Variants in SORCS1 observed in about 807,000 individuals in gnomAD.
SORCS1 encodes the protein VPS10 domain-containing receptor SorCS1.
Under a neutral mutation model 146.1 loss-of-function variants are expected in SORCS1, and 60 were observed. That is an observed-to-expected ratio of 0.41 (90% CI 0.33 to 0.51). The LOEUF is 0.51. Ranked by LOEUF, SORCS1 falls within the 20% of genes least tolerant of loss-of-function variation. The pLI is 0.21. For missense variants in SORCS1, 1,352 were observed against 1,487.6 expected (o/e 0.91, Z 1.50); for synonymous variants, 637 against 584.0 (o/e 1.09, Z -1.31).
chr10:106,600,419 C>A (rs1470155424), intron 23 of SORCS1: 4 of 981,848 alleles, frequency 4.1e-6, no homozygotes, highest in Non-Finnish European at 4.8e-6. Flanking sequence ...CATAAGAAAA[C>A]AAAACTAAAT....
At chr10:106,986,511 CGTGTGTGTGTGTGTGTGT>C (rs58888609) in intron 1 of SORCS1, among the ~76,000 whole-genome samples, 3 of 148,422 alleles carry the variant, frequency 2.0e-5, no homozygotes, top group African/African-American at 7.4e-5. Context: ...TATATACAAC[CGTGTGTGTGTGTGTGTGT>C]GTGTGTGTGT....
chr10:106,674,112 C>G (rs568835353), intron 14 of SORCS1, among the ~76,000 whole-genome samples: 47 of 145,810 alleles, frequency 3.2e-4, no homozygotes, highest in African/African-American at 1.2e-3. Context: ...GTCAGGAGAT[C>G]GAGACCATCC....
chr10:106,815,323 GA>G (rs1399944336), intron 3 of SORCS1, among the ~76,000 whole-genome samples: 1 of 152,080 alleles, frequency 6.6e-6, no homozygotes, highest in Non-Finnish European at 1.5e-5. Flanking sequence ...AGAGAGGGAA[GA>G]AAATAAAATA....
the SORCS1 span, among the ~76,000 whole-genome samples, chr10:107,174,978 C>T: frequency 1.5e-4 from 23 of 152,234 alleles, no homozygotes; most frequent in African/African-American, 5.1e-4. Context: ...TTTAACAACA[C>T]GAATAGGTTT....
In SORCS1 at chr10:106,652,496, G is replaced by T. The variant is rs941436279; in HGVS notation, c.2361C>A (p.Ala787=). The part of the protein sequence containing the change: ...CTDGVREQYT[A]KPQKCPGKAP... ...CTTTCCCTGGGCACTTCTGCGGTTTGGCAGTGTACTGTTCCCTTACGCCAT... is the reference window on the plus strand; with the variant it reads ...CTTTCCCTGGGCACTTCTGCGGTTTTGCAGTGTACTGTTCCCTTACGCCAT... Residue 787 remains alanine (A), a synonymous_variant, in exon 18 of 26, where the codon GCC becomes GCA. Transcript: ENST00000263054. 1.7e-5 allele frequency: 27 copies of T among 1,613,982 alleles called. No individual in the cohort carries two copies. Among genetic ancestry groups the T allele is most frequent in the Non-Finnish European group, 2.3e-5 (27 of 1,180,012 alleles).
chr10:107,080,044 T>C (rs1429753667), intron 1 of SORCS1, among the ~76,000 whole-genome samples: 1 of 152,218 alleles, frequency 6.6e-6, no homozygotes, highest in Non-Finnish European at 1.5e-5. Context: ...CACAAATGAA[T>C]ATATTACAAA....
At chr10:106,762,983 C>T (rs1859257885) in intron 4 of SORCS1, among the ~76,000 whole-genome samples, 1 of 152,036 alleles carries the variant, frequency 6.6e-6, no homozygotes, top group Admixed American at 6.6e-5. Flanking sequence ...TCTCTCTCTC[C>T]CCTTTGTCTT....
At chr10:106,950,319 C>T (rs1448470201) in intron 2 of SORCS1, among the ~76,000 whole-genome samples, 3 of 152,222 alleles carry the variant, frequency 2.0e-5, no homozygotes, top group African/African-American at 7.2e-5. Flanking sequence ...TCCAGCAAGG[C>T]TTACAGCCCT....
intron 1 of SORCS1, among the ~76,000 whole-genome samples, chr10:106,984,499 T>C (rs1416560412): frequency 6.6e-6 from 1 of 150,648 alleles, no homozygotes; most frequent in Admixed American, 6.7e-5. Context: ...GTTCACACCA[T>C]TCTCCTGCCT....
chr10:106,900,297 G>A (rs1951652400), intron 2 of SORCS1, among the ~76,000 whole-genome samples: 2 of 152,020 alleles, frequency 1.3e-5, no homozygotes, highest in Non-Finnish European at 2.9e-5. Context: ...CCTGTGTCTG[G>A]TAACAATGCC....
intron 18 of SORCS1, among the ~76,000 whole-genome samples, chr10:106,634,039 A>T (rs11192984): frequency 0.021 from 3,233 of 152,318 alleles, 45 homozygotes; most frequent in Middle Eastern, 0.034. Context: ...TAATATGATG[A>T]AAAAGCTTTA....
chr10:107,135,330 T>G (rs1204234736), intron 1 of SORCS1, among the ~76,000 whole-genome samples: 1 of 152,224 alleles, frequency 6.6e-6, no homozygotes, highest in Non-Finnish European at 1.5e-5. Flanking sequence ...GCTTTGCACA[T>G]AGTACATGCA....
intron 9 of SORCS1, among the ~76,000 whole-genome samples, chr10:106,695,272 G>A (rs1447806235): frequency 5.3e-5 from 8 of 152,128 alleles, no homozygotes; most frequent in Non-Finnish European, 8.8e-5. Context: ...TAGGTCTCGG[G>A]CAATCAAACT....
intron 2 of SORCS1, among the ~76,000 whole-genome samples, chr10:106,840,077 T>C (rs2137120732): frequency 6.6e-6 from 1 of 152,330 alleles, no homozygotes; most frequent in East Asian, 1.9e-4. Flanking sequence ...CTGTACTCCA[T>C]GGATCAAGGA....
intron 3 of SORCS1, among the ~76,000 whole-genome samples, chr10:106,793,713 T>A (rs1564663838): frequency 1.3e-5 from 2 of 152,312 alleles, no homozygotes; most frequent in African/African-American, 2.4e-5. Context: ...ACCCAAAATA[T>A]GTCCACCAGG....
intron 5 of SORCS1, among the ~76,000 whole-genome samples, chr10:106,750,602 G>GCA: frequency 6.7e-6 from 1 of 149,848 alleles, no homozygotes; most frequent in Non-Finnish European, 1.5e-5. Context: ...GGTGGCGGAT[G>GCA]CCTGTAGTCC....
chr10:106,607,553 A>G (rs1161413912), intron 22 of SORCS1, among the ~76,000 whole-genome samples: 1 of 152,196 alleles, frequency 6.6e-6, no homozygotes, highest in African/African-American at 2.4e-5. Flanking sequence ...TGTGTTCTCT[A>G]TGCCTACATT....
At chr10:106,776,380 C>A (rs1217459263) in intron 4 of SORCS1, among the ~76,000 whole-genome samples, 154 bp downstream of exon 4, 1 of 152,216 alleles carries the variant, frequency 6.6e-6, no homozygotes, top group Admixed American at 6.5e-5. Context: ...CAACCTGAGA[C>A]TCTCCTTGCT....
At chr10:106,942,465 G>A (rs960342672) in intron 2 of SORCS1, among the ~76,000 whole-genome samples, 1 of 152,164 alleles carries the variant, frequency 6.6e-6, no homozygotes, top group African/African-American at 2.4e-5. Context: ...GCTGACCCCA[G>A]GGTGTGGCTT....
Sources: gnomAD v4.1 joint callset for allele counts (sites outside exome capture counted in the v4.1 genomes callset) on GRCh38, gnomAD v4.1.1 for gene constraint, MANE v1.5 for transcripts, NCBI Gene and HGNC (gene_info 2026-07-23, HGNC 2026-07-21) for gene names.